The following C12orf42 variants were observed in gnomAD, a reference collection of about 807,000 sequenced individuals.
The protein encoded by C12orf42 is chromosome 12 open reading frame 42.
In C12orf42, 25 loss-of-function variants were observed where a neutral mutation model predicts 21.6. The ratio of observed to expected loss-of-function variants is 1.16; its 90% confidence interval spans 0.84 to 1.62. The LOEUF is 1.62. C12orf42 is among the 40% of genes most tolerant of loss of function. The probability of loss-of-function intolerance (pLI) is 0.00; values close to 1 mark genes in which losing one functional copy is unlikely to be tolerated. For missense variants in C12orf42, 483 were observed against 459.3 expected (o/e 1.05, Z -0.47); for synonymous variants, 174 against 175.0 (o/e 0.99, Z 0.05).
chr12:103,334,376 C>A (rs559771468), intron 4 of C12orf42, among the ~76,000 whole-genome samples: 1 of 152,208 alleles, frequency 6.6e-6, no homozygotes, highest in African/African-American at 2.4e-5. Context: ...TATCAAACTG[C>A]CAGCATTTTT....
the C12orf42 span, among the ~76,000 whole-genome samples, chr12:103,535,660 G>C: frequency 2.6e-5 from 4 of 152,122 alleles, no homozygotes; most frequent in Admixed American, 6.5e-5. Flanking sequence ...TTGGAGAGAG[G>C]CAAAGCTGGA....
chr12:103,478,583 ATTTTTTT>A (rs3065865), intron 1 of C12orf42, 136 bp from the exon 2 acceptor site: 23 of 279,868 alleles, frequency 8.2e-5, no homozygotes, highest in East Asian at 1.5e-4. Context: ...ACTTTCAATA[ATTTTTTT>A]TTTTTTTTTT....
At chr12:103,516,204 A>C in the C12orf42 span, among the ~76,000 whole-genome samples, 5 of 152,262 alleles carry the variant, frequency 3.3e-5, no homozygotes, top group Admixed American at 6.5e-5. Flanking sequence ...CATTCAAAGA[A>C]GCCACTATCA....
chr12:103,410,336 T>C (rs2048737459), intron 2 of C12orf42, among the ~76,000 whole-genome samples: 1 of 152,234 alleles, frequency 6.6e-6, no homozygotes, highest in South Asian at 2.1e-4. Flanking sequence ...TCTTCAGTAA[T>C]CCATTTAATC....
chr12:103,170,921 T>C, the C12orf42 span, among the ~76,000 whole-genome samples: 1 of 152,142 alleles, frequency 6.6e-6, no homozygotes, highest in South Asian at 2.1e-4. Flanking sequence ...AGAAGAGAAG[T>C]GACTTTTTGA....
chr12:103,378,460 T>C (rs1029589877), intron 3 of C12orf42, among the ~76,000 whole-genome samples: 1 of 152,196 alleles, frequency 6.6e-6, no homozygotes, highest in Non-Finnish European at 1.5e-5. Flanking sequence ...GTAATGGCCA[T>C]GCTTCTTGCC....
chr12:103,277,359 G>A (rs1038892593), intron 4 of C12orf42: 21 of 250,940 alleles, frequency 8.4e-5, no homozygotes, highest in Non-Finnish European at 1.4e-4. Context: ...CAGAAGGATG[G>A]CATTATGTTA....
intron 4 of C12orf42, among the ~76,000 whole-genome samples, chr12:103,361,988 C>T (rs754622260): frequency 6.6e-6 from 1 of 152,128 alleles, no homozygotes; most frequent in Non-Finnish European, 1.5e-5. Context: ...CTGCCTGATC[C>T]TCACTATACT....
At chr12:103,535,240 T>C in the C12orf42 span, among the ~76,000 whole-genome samples, 2 of 152,120 alleles carry the variant, frequency 1.3e-5, no homozygotes, top group Non-Finnish European at 2.9e-5. Flanking sequence ...TTGCCTCAGA[T>C]GGAAAGGATA....
At chr12:103,537,152 A>C in the C12orf42 span, among the ~76,000 whole-genome samples, 3 of 152,322 alleles carry the variant, frequency 2.0e-5, no homozygotes, top group Admixed American at 1.3e-4. Flanking sequence ...GAAATAATAC[A>C]TGGTGTTTTT....
In C12orf42 at chr12:103,376,371, G is replaced by A. The variant is rs550276284; in HGVS notation, c.148-7373C>T. Reference sequence around the variant, plus strand: ...AGTTGAACAATGAAAACACACGGACGCAGGGAGGGGAACATCACACACCAG... The same window carrying A: ...AGTTGAACAATGAAAACACACGGACACAGGGAGGGGAACATCACACACCAG... On this transcript the variant is annotated intron_variant, in intron 3 of 5. Coordinates refer to ENST00000548883, the MANE Select transcript of C12orf42 (RefSeq NM_198521.5). Among the ~76,000 whole-genome samples, 104 of 152,006 alleles carry A rather than the reference G, an allele frequency of 6.8e-4. 1 individual carries two copies. Among genetic ancestry groups the A allele is most frequent in the African/African-American group, 2.5e-3 (104 of 41,460 alleles).
At chr12:103,338,430 T>C (rs1447591406) in intron 4 of C12orf42, among the ~76,000 whole-genome samples, 2 of 152,248 alleles carry the variant, frequency 1.3e-5, no homozygotes. Flanking sequence ...GCTGTGCTTA[T>C]GCACTTGAAA....
At position 103,358,006 on chromosome 12, in the gene C12orf42, C is replaced by A. The variant is rs146348718; in HGVS notation, c.259+10881G>T. On this transcript the variant is annotated intron_variant, in intron 4 of 5. Coordinates refer to ENST00000548883, the MANE Select transcript of C12orf42 (RefSeq NM_198521.5). ...ATTTTAGGATGACCACCTTGTATGTCTAAAAATTGGTAGACTGGTTGGTAC... is the reference window on the plus strand; with the variant it reads ...ATTTTAGGATGACCACCTTGTATGTATAAAAATTGGTAGACTGGTTGGTAC... 5.3e-5 allele frequency among the ~76,000 whole-genome samples: 8 copies of A among 152,124 alleles called. No individual in the cohort carries two copies. The East Asian group carries it at 1.5e-3, about 29-fold the overall frequency.
chr12:103,454,120 T>C (rs1952132451), intron 2 of C12orf42, among the ~76,000 whole-genome samples: 1 of 152,162 alleles, frequency 6.6e-6, no homozygotes, highest in South Asian at 2.1e-4. Flanking sequence ...AATTCTTCCC[T>C]GCTCTGGTCC....
At position 103,306,026 on chromosome 12, in the gene C12orf42, A is replaced by G. The variant is rs965739864; in HGVS notation, c.579T>C (p.Ser193=). The change falls in exon 5 of 6, where the codon AGT becomes AGC. Residue 193 remains serine (S), a synonymous_variant. Transcript: ENST00000548883. ...VHLEAQGIHI[S]RHTRPKGQPL... is the part of the protein sequence containing the mutation. ...GCTGGCCCTTAGGTCTTGTGTGTCTACTGATGTGTATGCCCTGAGCCTCCA... is the reference window on the plus strand; with the variant it reads ...GCTGGCCCTTAGGTCTTGTGTGTCTGCTGATGTGTATGCCCTGAGCCTCCA... 1 of 1,613,958 alleles carries G rather than the reference A, an allele frequency of 6.2e-7. No homozygotes were observed. The highest frequency in any genetic ancestry group is 1.1e-5 in the South Asian group (1 of 91,084).
At chr12:103,050,069 G>T in the C12orf42 span, among the ~76,000 whole-genome samples, 1 of 152,138 alleles carries the variant, frequency 6.6e-6, no homozygotes, top group Non-Finnish European at 1.5e-5. Context: ...GTTTCCTGAG[G>T]TATTCCTTGA....
intron 4 of C12orf42, among the ~76,000 whole-genome samples, chr12:103,343,153 A>G (rs182168036): frequency 7.5e-4 from 115 of 152,342 alleles, no homozygotes; most frequent in Middle Eastern, 3.4e-3. Context: ...CACCCAAGAA[A>G]CCCACAAAAT....
At chr12:103,147,687 C>T in the C12orf42 span, among the ~76,000 whole-genome samples, 79 of 141,890 alleles carry the variant, frequency 5.6e-4, no homozygotes, top group Non-Finnish European at 1.0e-3. Flanking sequence ...TCTGTAAAGC[C>T]GCAATTGTGT....
chr12:103,229,290 G>A, the C12orf42 span, among the ~76,000 whole-genome samples: 2 of 152,170 alleles, frequency 1.3e-5, no homozygotes, highest in East Asian at 3.8e-4. Context: ...CTCTTAATAA[G>A]GAAATGTATT....
Sources: gnomAD v4.1 joint callset for allele counts (sites outside exome capture counted in the v4.1 genomes callset) on GRCh38, gnomAD v4.1.1 for gene constraint, MANE v1.5 for transcripts, NCBI Gene and HGNC (gene_info 2026-07-23, HGNC 2026-07-21) for gene names.